The following CLNS1A variants were observed in gnomAD, a reference collection of about 807,000 sequenced individuals.
CLNS1A encodes the protein chloride nucleotide-sensitive channel 1A.
A neutral mutation model predicts 29.4 loss-of-function variants in CLNS1A; 16 were observed. That is an observed-to-expected ratio of 0.54 (90% CI 0.37 to 0.83). The LOEUF (loss-of-function observed/expected upper bound fraction) is 0.83, where lower values mean the gene tolerates loss of function less well. Among genes scored for constraint, CLNS1A ranks in the 40% least tolerant of loss-of-function variants. The pLI is 0.00. For missense variants in CLNS1A, 235 were observed against 287.4 expected, an observed-to-expected ratio of 0.82 and a Z score of 1.32; for synonymous variants, 96 against 104.8, an observed-to-expected ratio of 0.92 and a Z score of 0.51.
At position 77,615,296 on chromosome 11, in the gene CLNS1A, T is replaced by G. The variant is rs547198313; in HGVS notation, c.*1422A>C. ...AGCAGAGAAACTGGGGAAGCTCTTGTACTGGCCATTGAAATGTTAACACTG... is the reference window on the plus strand; with the variant it reads ...AGCAGAGAAACTGGGGAAGCTCTTGGACTGGCCATTGAAATGTTAACACTG... On this transcript the variant is annotated 3_prime_UTR_variant, in exon 7 of 7. Coordinates refer to ENST00000525428, the MANE Select transcript of CLNS1A (RefSeq NM_001293.3). 1.3e-5 allele frequency: 2 copies of G among 152,292 alleles called. No homozygotes were observed. Among genetic ancestry groups the G allele is most frequent in the Admixed American group, 6.5e-5 (1 of 15,288 alleles). 9.4% of individuals were successfully genotyped at this position (152,292 alleles called of 1,614,324 possible). A position where few individuals can be genotyped will look rare whatever the true frequency, so the allele number is the denominator to read the frequency against.
At chr11:77,635,355 CT>C (rs796095213) in intron 1 of CLNS1A, among the ~76,000 whole-genome samples, 212 of 134,178 alleles carry the variant, frequency 1.6e-3, no homozygotes, top group East Asian at 3.3e-3. Context: ...TGAAATTTTT[CT>C]TTTTTTTTTT....
intron 6 of CLNS1A, chr11:77,618,415 T>C (rs1958925020): frequency 6.6e-6 from 1 of 152,232 alleles, no homozygotes; most frequent in Admixed American, 6.5e-5. Flanking sequence ...TCCAGTGATG[T>C]GAACACATGA....
intron 6 of CLNS1A, chr11:77,618,422 A>G (rs1200186209): frequency 6.6e-6 from 1 of 152,260 alleles, no homozygotes; most frequent in African/African-American, 2.4e-5. Context: ...ATGTGAACAC[A>G]TGATTTTAAC....
chr11:77,617,142 C>T (rs949528177), intron 6 of CLNS1A, among the ~76,000 whole-genome samples: 5 of 151,490 alleles, frequency 3.3e-5, no homozygotes, highest in Admixed American at 2.6e-4. Context: ...CCAAGGCAGG[C>T]GGATAACCTG....
rs781303469 is a variant in CLNS1A at position 77,637,756 on chromosome 11, C to A, written c.-42G>T. On this transcript the variant is annotated 5_prime_UTR_variant, in exon 1 of 7. Transcript: ENST00000525428. ...AACACAGGCCCTGAGGGAGTTGGAG[C>A]ACAGCAATGCGTGCACCACACCGCC... 11 of 1,536,060 alleles carry A rather than the reference C, an allele frequency of 7.2e-6. No homozygotes were observed. The South Asian group carries it at 1.2e-4, about 17-fold the overall frequency.
chr11:77,619,774 A>G, intron 5 of CLNS1A, 79 bp from the exon 6 acceptor site: 1 of 1,002,010 alleles, frequency 1.0e-6, no homozygotes, highest in Non-Finnish European at 1.6e-6. Flanking sequence ...TTCTACCAGA[A>G]GGAAGCTAGT....
intron 6 of CLNS1A, among the ~76,000 whole-genome samples, chr11:77,617,317 C>T (rs1178449620): frequency 2.9e-5 from 4 of 138,804 alleles, no homozygotes; most frequent in Admixed American, 1.5e-4. Context: ...TTCGGTGAGC[C>T]GATTGCACCA....
intron 2 of CLNS1A, among the ~76,000 whole-genome samples, chr11:77,626,860 T>A (rs1959025127): frequency 7.1e-6 from 1 of 141,382 alleles, no homozygotes; most frequent in Non-Finnish European, 1.5e-5. Flanking sequence ...CCTGGCTAAT[T>A]TTTTTGTATT....
chr11:77,617,626 T>G (rs1187069353), intron 6 of CLNS1A, among the ~76,000 whole-genome samples: 12 of 151,408 alleles, frequency 7.9e-5, no homozygotes, highest in Non-Finnish European at 1.8e-4. Context: ...TACATAATGT[T>G]TATACATTAT....
chr11:77,629,676 G>A, intron 2 of CLNS1A, 87 bp downstream of exon 2: 1 of 1,339,398 alleles, frequency 7.5e-7, no homozygotes, highest in Non-Finnish European at 1.0e-6. Flanking sequence ...TTACAGGCGT[G>A]AGCCACCGTG....
rs1040619239 is a variant in CLNS1A at position 77,625,710 on chromosome 11, C to T, written c.364+7G>A. On this transcript the variant is annotated splice_region_variant and intron_variant, in intron 3 of 6. Coordinates refer to ENST00000525428, the MANE Select transcript of CLNS1A (RefSeq NM_001293.3). The stretch of plus-strand genomic sequence containing the variant: ...AAGGGGAAGAATCAATACTGTAGAA[C>T]ACTCACACGCTGATTTATCACTAGG... The T allele has an allele frequency of 6.2e-7, 1 of 1,606,912 alleles. No homozygotes were observed. Among genetic ancestry groups the T allele is most frequent in the Admixed American group, 1.7e-5 (1 of 59,002 alleles).
Position 77,616,153 on chromosome 11 carries a change from A to C in CLNS1A, c.*565T>G, listed in dbSNP as rs1958904061. On this transcript the variant is annotated 3_prime_UTR_variant, in exon 7 of 7. Coordinates refer to ENST00000525428, the MANE Select transcript of CLNS1A (RefSeq NM_001293.3). ...TTTAGTCAAGAATGAGAGCAAAGTAATATAGAAAACCTAGGTTTATTTGTT... is the reference window on the plus strand; with the variant it reads ...TTTAGTCAAGAATGAGAGCAAAGTACTATAGAAAACCTAGGTTTATTTGTT... The C allele has an allele frequency of 6.6e-6, 1 of 152,252 alleles. No individual in the cohort carries two copies. Among genetic ancestry groups the C allele is most frequent in the Non-Finnish European group, 1.5e-5 (1 of 68,042 alleles). The allele number at this position is 152,252 out of a possible 1,614,324, so 9.4% of individuals were successfully genotyped here.
intron 2 of CLNS1A, among the ~76,000 whole-genome samples, chr11:77,629,039 T>A (rs993910407): frequency 1.3e-5 from 2 of 152,102 alleles, no homozygotes; most frequent in Admixed American, 6.6e-5. Context: ...TGGAGGCCCA[T>A]GGAAAATATA....
intron 1 of CLNS1A, among the ~76,000 whole-genome samples, chr11:77,633,120 C>T (rs992312724): frequency 2.7e-5 from 4 of 146,854 alleles, no homozygotes; most frequent in Admixed American, 6.9e-5. Flanking sequence ...TTTGACAGTA[C>T]ATTCATTTAA....
At chr11:77,625,666 G>A (rs1440430475) in intron 3 of CLNS1A, 51 bp downstream of exon 3, 2 of 1,509,916 alleles carry the variant, frequency 1.3e-6, no homozygotes, top group African/African-American at 2.8e-5. Context: ...TGTGTCAATT[G>A]GGAATGCTTG....
chr11:77,637,392 C>G (rs1959142997), intron 1 of CLNS1A, among the ~76,000 whole-genome samples, 198 bp downstream of exon 1: 1 of 141,558 alleles, frequency 7.1e-6, no homozygotes, highest in South Asian at 2.2e-4. Context: ...CCGGAGAAAA[C>G]AGAGAATGGA....
intron 1 of CLNS1A, among the ~76,000 whole-genome samples, chr11:77,637,338 G>GAAAAAAAA (rs57598480): frequency 8.4e-5 from 9 of 107,364 alleles, no homozygotes; most frequent in East Asian, 2.7e-4. Flanking sequence ...AGGAAAAAAA[G>GAAAAAAAA]AAAAAAAAAA....
intron 1 of CLNS1A, 148 bp downstream of exon 1, chr11:77,637,442 C>T (rs1477382671): frequency 4.9e-6 from 5 of 1,020,588 alleles, no homozygotes; most frequent in Non-Finnish European, 5.6e-6. Flanking sequence ...GCCTTCCACC[C>T]GCTACAGGTA....
chr11:77,622,921 C>A (rs538412136), intron 4 of CLNS1A, among the ~76,000 whole-genome samples: 1 of 148,370 alleles, frequency 6.7e-6, no homozygotes, highest in African/African-American at 2.5e-5. Context: ...GTACTCCAGC[C>A]TGGGCAACCG....
Sources: gnomAD v4.1 joint callset for allele counts (sites outside exome capture counted in the v4.1 genomes callset) on GRCh38, gnomAD v4.1.1 for gene constraint, MANE v1.5 for transcripts, NCBI Gene and HGNC (gene_info 2026-07-23, HGNC 2026-07-21) for gene names.